TRIM55: variants seen among roughly 807,000 people sequenced by gnomAD.
TRIM55 encodes tripartite motif containing 55, also known as tripartite motif-containing protein 55.
Under a neutral mutation model 60.9 loss-of-function variants are expected in TRIM55, and 50 were observed. The observed-to-expected ratio is 0.82, with a 90% CI of 0.65 to 1.04. The LOEUF is 1.04. TRIM55 is among the 50% of genes least tolerant of loss of function. TRIM55 has a pLI of 0.00. For synonymous variants in TRIM55, 237 were observed against 238.1 expected (o/e 1.00, Z 0.04); for missense variants, 681 against 666.9 (o/e 1.02, Z -0.23).
intron 2 of TRIM55, among the ~76,000 whole-genome samples, 200 bp from the exon 3 acceptor site, chr8:66,134,790 C>A (rs900832528): frequency 2.0e-5 from 3 of 152,116 alleles, no homozygotes; most frequent in Non-Finnish European, 4.4e-5. Flanking sequence ...GATTTGCCAG[C>A]ACTCCCCTGC....
At chr8:66,149,559 G>T in intron 4 of TRIM55, 86 bp from the exon 5 acceptor site, 1 of 1,069,862 alleles carries the variant, frequency 9.3e-7, no homozygotes, top group Non-Finnish European at 1.4e-6. Context: ...ATAAGTAAAT[G>T]TTCTTCTTTC....
In TRIM55 at chr8:66,174,623, GC is replaced by G; in HGVS notation, c.*32del. On this transcript the variant is annotated 3_prime_UTR_variant, in exon 10 of 10. Coordinates refer to ENST00000315962, the MANE Select transcript of TRIM55 (RefSeq NM_184085.2). ...CATTCCAACTGCTGCCCCTCTGTCT[GC>G]CTGGCTGAGATGCATGTGGGCAGCA... The G allele has an allele frequency of 6.4e-7, 1 of 1,563,724 alleles. No individual in the cohort carries two copies. The highest frequency in any genetic ancestry group is 8.6e-7 in the Non-Finnish European group (1 of 1,157,624).
At chr8:66,123,186 A>G (rs958252358), upstream of TRIM55, among the ~76,000 whole-genome samples, 15 of 152,212 alleles carry the variant, frequency 9.9e-5, no homozygotes, top group Non-Finnish European at 2.1e-4. Context: ...CCAACTGCCA[A>G]TCAGAAAATC....
chr8:66,126,389 G>A (rs1277515958), upstream of TRIM55, among the ~76,000 whole-genome samples: 1 of 152,152 alleles, frequency 6.6e-6, no homozygotes, highest in African/African-American at 2.4e-5. Flanking sequence ...TAGGAGGTGG[G>A]GCAGTATAGG....
chr8:66,136,514 T>G (rs1314344182), intron 3 of TRIM55, among the ~76,000 whole-genome samples: 1 of 152,170 alleles, frequency 6.6e-6, no homozygotes, highest in Non-Finnish European at 1.5e-5. Flanking sequence ...TCCTGGTGGC[T>G]CCATCAGCCA....
At position 66,127,392 on chromosome 8, in the gene TRIM55, T is replaced by C; in HGVS notation, c.124T>C (p.Cys42Arg). ...CACGAAACCTGTGGTGATTCTCCCTTGTCAGCACAACCTGTGTAGGAAATG... is the reference window on the plus strand; with the variant it reads ...CACGAAACCTGTGGTGATTCTCCCTCGTCAGCACAACCTGTGTAGGAAATG... ...MFTKPVVILP[C>R]QHNLCRKCAS... Residue 42 changes from cysteine (C) to arginine (R), a missense_variant, in exon 1 of 10, where the codon TGT becomes CGT. Transcript: ENST00000315962. 1.2e-6 allele frequency: 2 copies of C among 1,614,190 alleles called. No individual in the cohort carries two copies. The highest frequency in any genetic ancestry group is 4.5e-5 in the East Asian group (2 of 44,890).
At chr8:66,156,953 TTGGCCA>T (rs1387545568) in intron 9 of TRIM55, among the ~76,000 whole-genome samples, 1 of 152,198 alleles carries the variant, frequency 6.6e-6, no homozygotes, top group African/African-American at 2.4e-5. Flanking sequence ...GGAGGATGTA[TTGGCCA>T]TGGACTCAGA....
chr8:66,171,060 C>A (rs1346606678), intron 9 of TRIM55, among the ~76,000 whole-genome samples: 1 of 152,142 alleles, frequency 6.6e-6, no homozygotes, highest in African/African-American at 2.4e-5. Context: ...GTTTACATAA[C>A]AACAAAATCA....
rs754942536 is a variant in TRIM55 at position 66,149,640 on chromosome 8, A to G, written c.604-5A>G. 5.6e-6 allele frequency: 9 copies of G among 1,609,648 alleles called. No homozygotes were observed. The highest frequency in any genetic ancestry group is 8.5e-7 in the Non-Finnish European group (1 of 1,176,154). ...CTTTCTAACATTAGCTAACCCAACT[A>G]ATAGGAATGTTGCAGAAAACAGAAA... On this transcript the variant is annotated splice_polypyrimidine_tract_variant and splice_region_variant and intron_variant, in intron 4 of 9. Coordinates refer to ENST00000315962, the MANE Select transcript of TRIM55 (RefSeq NM_184085.2).
the TRIM55 span, among the ~76,000 whole-genome samples, chr8:66,114,206 G>T: frequency 6.6e-6 from 1 of 151,772 alleles, no homozygotes; most frequent in African/African-American, 2.4e-5. Flanking sequence ...TAGCTCAAAT[G>T]GTAGAGCGCT....
At chr8:66,156,705 G>A (rs1174411411) in intron 9 of TRIM55, among the ~76,000 whole-genome samples, 1 of 152,102 alleles carries the variant, frequency 6.6e-6, no homozygotes, top group African/African-American at 2.4e-5. Flanking sequence ...TCCCTGGGTT[G>A]ACACTGACTC....
At chr8:66,123,077 C>A (rs898361729), upstream of TRIM55, among the ~76,000 whole-genome samples, 5 of 152,336 alleles carry the variant, frequency 3.3e-5, no homozygotes, top group African/African-American at 1.2e-4. Context: ...CCGGAAGCTT[C>A]TTCTGCACAA....
chr8:66,140,609 A>G (rs959634481), intron 4 of TRIM55, among the ~76,000 whole-genome samples: 1 of 152,180 alleles, frequency 6.6e-6, no homozygotes, highest in Non-Finnish European at 1.5e-5. Context: ...GATCTCCCAG[A>G]GCCAGTTCCA....
intron 9 of TRIM55, among the ~76,000 whole-genome samples, chr8:66,168,085 C>G (rs552826122): frequency 6.6e-6 from 1 of 152,304 alleles, no homozygotes; most frequent in South Asian, 2.1e-4. Context: ...TCCTTCCAGG[C>G]TCTTTTTGGG....
At chr8:66,151,517 T>C (rs1810414443) in intron 7 of TRIM55, among the ~76,000 whole-genome samples, 1 of 152,090 alleles carries the variant, frequency 6.6e-6, no homozygotes, top group East Asian at 1.9e-4. Context: ...AAAAAATCGC[T>C]TAATATTGCC....
Position 66,127,361 on chromosome 8 carries a change from G to A in TRIM55, c.93G>A (p.Glu31=). The A allele has an allele frequency of 6.2e-7, 1 of 1,614,196 alleles. No individual in the cohort carries two copies. The highest frequency in any genetic ancestry group is 1.3e-5 in the African/African-American group (1 of 75,048). ...AACTCATCTGTCCCATCTGCTTAGA[G>A]ATGTTCACGAAACCTGTGGTGATTC... ...EKQLICPICL[E]MFTKPVVILP... is the part of the protein sequence containing the mutation. Residue 31 remains glutamate (E), a synonymous_variant, in exon 1 of 10, where the codon GAG becomes GAA. Coordinates refer to ENST00000315962, the MANE Select transcript of TRIM55 (RefSeq NM_184085.2).
chr8:66,154,904 A>G (rs1250711959), intron 9 of TRIM55, among the ~76,000 whole-genome samples: 1 of 152,246 alleles, frequency 6.6e-6, no homozygotes, highest in Non-Finnish European at 1.5e-5. Flanking sequence ...CTGGGAGTGG[A>G]AAAGCACAGG....
the TRIM55 span, among the ~76,000 whole-genome samples, chr8:66,120,709 G>GTTCA: frequency 6.6e-6 from 1 of 152,222 alleles, no homozygotes; most frequent in Non-Finnish European, 1.5e-5. Context: ...GGACATGGAA[G>GTTCA]TTCACATTTG....
intron 2 of TRIM55, 50 bp from the exon 3 acceptor site, chr8:66,134,940 G>T: frequency 1.3e-6 from 2 of 1,593,802 alleles, no homozygotes; most frequent in Non-Finnish European, 1.7e-6. Flanking sequence ...GCCTTGATGA[G>T]ATTGCCCCAG....
Sources: gnomAD v4.1 joint callset for allele counts (sites outside exome capture counted in the v4.1 genomes callset) on GRCh38, gnomAD v4.1.1 for gene constraint, MANE v1.5 for transcripts, NCBI Gene and HGNC (gene_info 2026-07-23, HGNC 2026-07-21) for gene names.